Variants in ANKRD62 observed in about 807,000 individuals in gnomAD.
ANKRD62 encodes ankyrin repeat domain 62.
A neutral mutation model predicts 98.8 loss-of-function variants in ANKRD62; 61 were observed. The ratio of observed to expected loss-of-function variants is 0.62; its 90% CI spans 0.50 to 0.76. The LOEUF is 0.76. Ranked by LOEUF, ANKRD62 falls within the 30% of genes least tolerant of loss-of-function variation. The pLI, the probability that ANKRD62 is intolerant of heterozygous loss-of-function variation, is 0.00. For missense variants in ANKRD62, 933 were observed against 1,082.9 expected (o/e 0.86, Z 1.94); for synonymous variants, 341 against 367.9 (o/e 0.93, Z 0.84).
chr18:12,110,044 GC>G (rs1196727197), intron 8 of ANKRD62, among the ~76,000 whole-genome samples: 1 of 151,532 alleles, frequency 6.6e-6, no homozygotes, highest in African/African-American at 2.4e-5. Context: ...AAACCAAGGT[GC>G]TGCCAATGCA....
chr18:12,111,918 TG>T (rs1231732602), intron 8 of ANKRD62, among the ~76,000 whole-genome samples: 1 of 152,022 alleles, frequency 6.6e-6, no homozygotes, highest in African/African-American at 2.4e-5. Flanking sequence ...GAAACCAGCC[TG>T]GCCAACATGG....
rs748238976 is a variant in ANKRD62, at chr18:12,122,409, G to T, written c.1347G>T (p.Met449Ile). 1.7e-5 allele frequency: 26 copies of T among 1,534,772 alleles called. No individual in the cohort carries two copies. The highest frequency in any genetic ancestry group is 2.0e-5 in the Admixed American group (1 of 50,928). The change falls in exon 11 of 14, where the codon ATG (methionine) becomes ATT (isoleucine). Residue 449 changes from methionine (M) to isoleucine (I), a missense_variant. By Grantham distance (10) the Met-to-Ile change is conservative. Around this residue, in one of 3 missense-constraint regions of ANKRD62, gnomAD observed 549 missense variants for 587.9 expected, o/e 0.93. Transcript: ENST00000587848. ...GACTTAAAGTAAAATTTCAAAAAAT[G>T]AAAAATAATATTAGCGTACTACAAA... The part of the protein sequence containing the change: ...CERLKVKFQK[M>I]KNNISVLQKV...
intron 5 of ANKRD62, 61 bp from the exon 6 acceptor site, chr18:12,099,554 G>T: frequency 1.9e-6 from 2 of 1,039,712 alleles, no homozygotes; most frequent in Non-Finnish European, 2.7e-6. Flanking sequence ...TAATGTATTT[G>T]GTAAAGTTTT....
intron 7 of ANKRD62, among the ~76,000 whole-genome samples, chr18:12,103,928 T>C (rs971821131): frequency 6.6e-6 from 1 of 152,168 alleles, no homozygotes; most frequent in East Asian, 1.9e-4. Context: ...ACTATCATAT[T>C]ACAGTATATA....
intron 10 of ANKRD62, 40 bp downstream of exon 10, chr18:12,115,574 T>C (rs996009516): frequency 3.3e-6 from 5 of 1,495,890 alleles, no homozygotes; most frequent in African/African-American, 2.8e-5. Context: ...TTCCCTATCC[T>C]ATAGTAATGT....
At chr18:12,111,070 A>G (rs1486123421) in intron 8 of ANKRD62, among the ~76,000 whole-genome samples, 1 of 151,672 alleles carries the variant, frequency 6.6e-6, no homozygotes, top group African/African-American at 2.4e-5. Context: ...TAACATGATG[A>G]AACCCTGTCT....
chr18:12,133,695 A>T (rs1910038995), downstream of ANKRD62, among the ~76,000 whole-genome samples: 3 of 152,044 alleles, frequency 2.0e-5, no homozygotes, highest in Admixed American at 2.0e-4. Flanking sequence ...CCTGGTCGTT[A>T]TCCTTTGACC....
chr18:12,140,312 G>C, the ANKRD62 span, among the ~76,000 whole-genome samples: 1 of 152,064 alleles, frequency 6.6e-6, no homozygotes, highest in African/African-American at 2.4e-5. Context: ...GTAGCTCGGA[G>C]TAGTTTGATC....
chr18:12,119,884 A>T (rs7239346), intron 10 of ANKRD62, among the ~76,000 whole-genome samples: 2 of 151,712 alleles, frequency 1.3e-5, no homozygotes, highest in African/African-American at 4.8e-5. Context: ...TACCAACCTC[A>T]ATATGTTATT....
the ANKRD62 span, among the ~76,000 whole-genome samples, chr18:12,166,972 T>G: frequency 4.0e-5 from 6 of 149,598 alleles, no homozygotes. Flanking sequence ...GAACAGGTGG[T>G]GTTTGGTTTT....
At chr18:12,146,444 G>T in the ANKRD62 span, among the ~76,000 whole-genome samples, 2 of 152,052 alleles carry the variant, frequency 1.3e-5, no homozygotes, top group Non-Finnish European at 1.5e-5. Flanking sequence ...GACTTTTTTG[G>T]GGGGGCGTGT....
chr18:12,111,538 G>A (rs1419293674), intron 8 of ANKRD62, among the ~76,000 whole-genome samples: 2 of 152,138 alleles, frequency 1.3e-5, no homozygotes, highest in Non-Finnish European at 2.9e-5. Context: ...TTTCAACGTA[G>A]TATTGTAAGT....
the ANKRD62 span, among the ~76,000 whole-genome samples, chr18:12,161,915 A>ATCC: frequency 1.3e-5 from 2 of 152,060 alleles, no homozygotes; most frequent in African/African-American, 2.4e-5. Flanking sequence ...ACATGTTTTT[A>ATCC]TCCATTCATC....
chr18:12,097,631 T>G lies in ANKRD62; in HGVS notation c.615-9T>G. ...GTTCCTAAGCATGAAATTATCTTTC[T>G]TATTTTAGAACAGCCCTGATACTTG... On this transcript the variant is annotated splice_polypyrimidine_tract_variant and intron_variant, in intron 4 of 13. Coordinates refer to ENST00000587848, the MANE Select transcript of ANKRD62 (RefSeq NM_001277333.2). 6.6e-7 allele frequency: 1 copy of G among 1,520,842 alleles called. No homozygotes were observed. The allele number at this position is 1,520,842 out of a possible 1,614,324, so 94.2% of individuals were successfully genotyped here.
chr18:12,100,691 C>T (rs751581957), intron 6 of ANKRD62, among the ~76,000 whole-genome samples: 1 of 151,960 alleles, frequency 6.6e-6, no homozygotes, highest in African/African-American at 2.4e-5. Flanking sequence ...AAGCACAGGC[C>T]GTGTTACATA....
chr18:12,177,591 C>A, the ANKRD62 span, among the ~76,000 whole-genome samples: 248 of 152,026 alleles, frequency 1.6e-3, 6 homozygotes, highest in African/African-American at 5.2e-3. Context: ...TGGCGACATA[C>A]ATTGTAGGAC....
At chr18:12,171,469 A>G in the ANKRD62 span, among the ~76,000 whole-genome samples, 1 of 151,986 alleles carries the variant, frequency 6.6e-6, no homozygotes, top group South Asian at 2.1e-4. Context: ...ATTGGCCCCC[A>G]CTCTCTTCTG....
chr18:12,140,508 C>T, the ANKRD62 span, among the ~76,000 whole-genome samples: 4 of 152,178 alleles, frequency 2.6e-5, no homozygotes, highest in Admixed American at 2.0e-4. Flanking sequence ...ACGATGGTGA[C>T]GTACAGATGG....
the ANKRD62 span, among the ~76,000 whole-genome samples, chr18:12,151,498 C>T: frequency 6.6e-6 from 1 of 152,170 alleles, no homozygotes; most frequent in Non-Finnish European, 1.5e-5. Flanking sequence ...CACCACATGC[C>T]ACATGCTCTG....
Sources: allele counts gnomAD v4.1 joint callset (sites outside exome capture counted in the v4.1 genomes callset), GRCh38; gene constraint gnomAD v4.1.1; regional missense constraint gnomAD v4.1.1; transcripts MANE v1.5; gene names NCBI Gene and HGNC (gene_info 2026-07-23, HGNC 2026-07-21).